Variants in CCNJL observed in about 807,000 individuals in gnomAD.
The protein encoded by CCNJL is cyclin J like, also known as cyclin-J-like protein.
CCNJL carries 33 observed loss-of-function variants against 33.4 expected under a neutral mutation model. That is an observed-to-expected ratio of 0.99 (90% CI 0.75 to 1.32). CCNJL has a LOEUF of 1.32. Ranked by LOEUF, CCNJL falls within the 40% of genes most tolerant of loss-of-function variation. The pLI, the probability that CCNJL is intolerant of heterozygous loss-of-function variation, is 0.00. For synonymous variants in CCNJL, 227 were observed against 220.9 expected (o/e 1.03, Z -0.24); for missense variants, 512 against 499.7 (o/e 1.02, Z -0.23).
At chr5:160,258,440 T>C (rs1172836267) in intron 4 of CCNJL, 28 of 1,006,964 alleles carry the variant, frequency 2.8e-5, no homozygotes, top group Non-Finnish European at 2.9e-5. Context: ...ATGTTTCACA[T>C]GAAGAGGGCA....
At chr5:160,320,794 T>G (rs1380390205) in intron 1 of CCNJL, among the ~76,000 whole-genome samples, 20 of 43,380 alleles carry the variant, frequency 4.6e-4, no homozygotes. Context: ...CTTTCCTTTC[T>G]TTCTTTCTTT....
intron 3 of CCNJL, among the ~76,000 whole-genome samples, chr5:160,269,828 C>T (rs760716033): frequency 6.6e-6 from 1 of 152,206 alleles, no homozygotes; most frequent in Non-Finnish European, 1.5e-5. Flanking sequence ...ACCACTGAGT[C>T]AACCCCAAGG....
chr5:160,268,292 C>T (rs1761690917), intron 3 of CCNJL, among the ~76,000 whole-genome samples: 1 of 152,158 alleles, frequency 6.6e-6, no homozygotes, highest in African/African-American at 2.4e-5. Flanking sequence ...AGTGCCCACA[C>T]TCTGATGATG....
In CCNJL at chr5:160,253,630, G is replaced by A; in HGVS notation, c.912C>T (p.Asp304=). ...TLAQFQTPVQ[D]LCLAYRDSLQ... ...AGGAGTCCCGATAGGCCAAGCATAG[G>A]TCCTGCACGGGGGTCTGGAACTGTG... The change falls in exon 6 of 6, where the codon GAC becomes GAT. Residue 304 remains aspartate, a synonymous_variant. Coordinates refer to ENST00000257536, the MANE Select transcript of CCNJL (RefSeq NM_001308173.3). 1.2e-6 allele frequency: 2 copies of A among 1,613,114 alleles called. No homozygotes were observed. The highest frequency in any genetic ancestry group is 1.7e-6 in the Non-Finnish European group (2 of 1,179,462).
upstream of CCNJL, among the ~76,000 whole-genome samples, chr5:160,317,641 T>TACC (rs1763394482): frequency 6.6e-6 from 1 of 151,874 alleles, no homozygotes; most frequent in Non-Finnish European, 1.5e-5. Flanking sequence ...GGGCATGGGG[T>TACC]GGGGGGAGTA....
rs116280643 is a variant in CCNJL, at chr5:160,332,750, T to C, written n.206+6695A>G. ...GGGGGCTTTTCCCAGCCACCTATTA[T>C]AGTTTCAACTACTGACCCTTCCATA... On this transcript the variant is annotated intron_variant and non_coding_transcript_variant, in intron 1 of 7. Transcript: ENST00000377503. Among the ~76,000 whole-genome samples the C allele has an allele frequency of 7.5e-3, 1,140 of 152,298 alleles. 16 individuals carry two copies. Among genetic ancestry groups the C allele is most frequent in the African/African-American group, 0.025 (1,057 of 41,572 alleles).
chr5:160,314,948 A>T (rs1156903678), upstream of CCNJL, among the ~76,000 whole-genome samples: 1 of 152,238 alleles, frequency 6.6e-6, no homozygotes, highest in Non-Finnish European at 1.5e-5. Context: ...TTTCTGAAAG[A>T]CAACATAAAT....
At position 160,249,812 on chromosome 5, in the gene CCNJL, A is replaced by G. The variant is rs1354876688; in HGVS notation, c.*3566T>C. On this transcript the variant is annotated 3_prime_UTR_variant, in exon 6 of 6. Coordinates refer to ENST00000257536, the MANE Select transcript of CCNJL (RefSeq NM_001308173.3). The stretch of plus-strand genomic sequence containing the variant: ...AATAAATAAATAAATAAATAAAATA[A>G]AAATTTAAAAAATCAAACTAAACTG... The G allele has an allele frequency of 6.6e-6, 1 of 151,246 alleles. No homozygotes were observed. The highest frequency in any genetic ancestry group is 1.5e-5 in the Non-Finnish European group (1 of 67,860). The allele number at this position is 151,246 out of a possible 1,614,324, so 9.4% of individuals were successfully genotyped here.
chr5:160,281,020 A>G (rs1261827817), intron 2 of CCNJL: 4 of 487,268 alleles, frequency 8.2e-6, no homozygotes, highest in Non-Finnish European at 1.5e-5. Context: ...ACACAAGGCC[A>G]TAAAGGAATA....
intron 2 of CCNJL, among the ~76,000 whole-genome samples, chr5:160,284,422 T>G (rs1762340853): frequency 6.6e-6 from 1 of 150,410 alleles, no homozygotes; most frequent in Non-Finnish European, 1.5e-5. Context: ...AAAGCTGCTA[T>G]AAAAAAACAA....
intron 1 of CCNJL, among the ~76,000 whole-genome samples, chr5:160,320,790 T>TTTCTTTCC (rs1763432184): frequency 2.9e-5 from 1 of 34,204 alleles, no homozygotes. Flanking sequence ...CTTTCTTTCC[T>TTTCTTTCC]TTCTTTCTTT....
rs1156242397 is a variant in CCNJL at position 160,282,220 on chromosome 5, T to C, written c.67-1482A>G. 4.6e-5 allele frequency among the ~76,000 whole-genome samples: 7 copies of C among 152,212 alleles called. No homozygotes were observed. The South Asian group carries it at 8.3e-4, about 18-fold the overall frequency. On this transcript the variant is annotated intron_variant, in intron 2 of 5. Coordinates refer to ENST00000257536, the MANE Select transcript of CCNJL (RefSeq NM_001308173.3). Reference sequence around the variant, plus strand: ...ATCTGCTCATTCATTCATTCATTCATTCAAGAGCTATTCATTCATTTTACT... The same window carrying C: ...ATCTGCTCATTCATTCATTCATTCACTCAAGAGCTATTCATTCATTTTACT...
intron 2 of CCNJL, among the ~76,000 whole-genome samples, chr5:160,282,927 C>T (rs1384694855): frequency 7.6e-6 from 1 of 131,872 alleles, no homozygotes; most frequent in Non-Finnish European, 1.6e-5. Context: ...AAATGTTAAA[C>T]GTAGGGTTCT....
At chr5:160,322,934 TAATA>T (rs1345507721) in intron 1 of CCNJL, among the ~76,000 whole-genome samples, 23 of 134,784 alleles carry the variant, frequency 1.7e-4, no homozygotes, top group African/African-American at 6.4e-4. Flanking sequence ...AAAAAAAAAA[TAATA>T]AAAATGTCCC....
chr5:160,303,744 G>A (rs1191205995), intron 2 of CCNJL, among the ~76,000 whole-genome samples: 2 of 149,462 alleles, frequency 1.3e-5, no homozygotes, highest in Non-Finnish European at 3.0e-5. Flanking sequence ...GTGTGTGTGT[G>A]TAATAACTCA....
At chr5:160,283,006 T>TATATATATATATATATATAC (rs1762286577) in intron 2 of CCNJL, among the ~76,000 whole-genome samples, 1 of 57,502 alleles carries the variant, frequency 1.7e-5, no homozygotes, top group African/African-American at 8.2e-5. Flanking sequence ...TATATATATA[T>TATATATATATATATATATAC]ATACATATAT....
chr5:160,288,127 T>A (rs1020191971), intron 2 of CCNJL, among the ~76,000 whole-genome samples: 2 of 152,276 alleles, frequency 1.3e-5, no homozygotes, highest in Non-Finnish European at 2.9e-5. Context: ...TATTATTATT[T>A]TTTAACATAA....
chr5:160,258,807 C>T (rs547471494), intron 4 of CCNJL, among the ~76,000 whole-genome samples: 2 of 152,344 alleles, frequency 1.3e-5, no homozygotes, highest in East Asian at 3.9e-4. Flanking sequence ...AGCAATTCCC[C>T]TGCCTCAGCC....
intron 2 of CCNJL, among the ~76,000 whole-genome samples, chr5:160,295,401 T>G (rs1321455215): frequency 6.6e-6 from 1 of 152,010 alleles, no homozygotes; most frequent in Non-Finnish European, 1.5e-5. Flanking sequence ...AGGCAGGAGA[T>G]CTCTTGAACC....
Sources: allele counts gnomAD v4.1 joint callset (sites outside exome capture counted in the v4.1 genomes callset), GRCh38; gene constraint gnomAD v4.1.1; transcripts MANE v1.5; gene names NCBI Gene and HGNC (gene_info 2026-07-23, HGNC 2026-07-21).